The following PIK3CB variants were observed in gnomAD, a reference collection of about 807,000 sequenced individuals.
The protein encoded by PIK3CB is phosphatidylinositol-4,5-bisphosphate 3-kinase catalytic subunit beta.
A neutral mutation model predicts 136.8 loss-of-function variants in PIK3CB; 39 were observed. The observed-to-expected ratio is 0.29, with a 90% CI of 0.22 to 0.37. The LOEUF (loss-of-function observed/expected upper bound fraction) is 0.37. Ranked by LOEUF, PIK3CB falls within the 10% of genes least tolerant of loss-of-function variation. The pLI, the probability that PIK3CB is intolerant of heterozygous loss-of-function variation, is 1.00. For missense variants in PIK3CB, 868 were observed against 1,275.4 expected (o/e 0.68, Z 4.87); for synonymous variants, 428 against 436.6 (o/e 0.98, Z 0.25).
chr3:138,808,311 C>T (rs1349654978), intron 1 of PIK3CB, among the ~76,000 whole-genome samples: 1 of 152,048 alleles, frequency 6.6e-6, no homozygotes, highest in Admixed American at 6.6e-5. Context: ...CAAAAAACAA[C>T]CTCTCATGTA....
intron 2 of PIK3CB, among the ~76,000 whole-genome samples, chr3:138,785,037 G>A (rs958343829): frequency 3.3e-5 from 5 of 152,198 alleles, no homozygotes; most frequent in South Asian, 2.1e-4. Flanking sequence ...CCTCCGCCCC[G>A]CAGCCGCCCC....
intron 2 of PIK3CB, among the ~76,000 whole-genome samples, chr3:138,779,042 C>A (rs1216240677): frequency 6.7e-6 from 1 of 149,380 alleles, no homozygotes; most frequent in Non-Finnish European, 1.5e-5. Context: ...AAAAAAATAG[C>A]AACACACACA....
chr3:138,713,877 C>T (rs543152654), intron 9 of PIK3CB, among the ~76,000 whole-genome samples: 4 of 152,082 alleles, frequency 2.6e-5, no homozygotes, highest in South Asian at 2.1e-4. Context: ...TTTCAAAATC[C>T]GAGAAGCTCT....
intron 1 of PIK3CB, among the ~76,000 whole-genome samples, chr3:138,832,602 C>G (rs1934082779): frequency 6.6e-6 from 1 of 151,588 alleles, no homozygotes; most frequent in Non-Finnish European, 1.5e-5. Context: ...CCGAGGCGGG[C>G]GGATACCTGA....
intron 2 of PIK3CB, among the ~76,000 whole-genome samples, chr3:138,789,987 C>A (rs1198216970): frequency 2.0e-5 from 3 of 152,092 alleles, no homozygotes; most frequent in Non-Finnish European, 4.4e-5. Flanking sequence ...CCAGGCCCAG[C>A]CTATTCAGCC....
At chr3:138,757,941 C>T (rs2045603425) in intron 3 of PIK3CB, among the ~76,000 whole-genome samples, 1 of 152,150 alleles carries the variant, frequency 6.6e-6, no homozygotes, top group South Asian at 2.1e-4. Flanking sequence ...AGCAGGAATT[C>T]AAACAGACAT....
intron 1 of PIK3CB, among the ~76,000 whole-genome samples, chr3:138,815,053 T>C (rs1933243687): frequency 7.1e-6 from 1 of 140,966 alleles, no homozygotes; most frequent in African/African-American, 2.7e-5. Flanking sequence ...GGCAGGAGAA[T>C]GGCATGAACC....
intron 19 of PIK3CB, among the ~76,000 whole-genome samples, chr3:138,676,722 C>G (rs1042142047): frequency 6.6e-6 from 1 of 152,052 alleles, no homozygotes; most frequent in African/African-American, 2.4e-5. Context: ...GAAGCCATTA[C>G]GCTTAGAGAA....
At chr3:138,760,753 A>G (rs962058484) in intron 2 of PIK3CB, among the ~76,000 whole-genome samples, 17 of 152,040 alleles carry the variant, frequency 1.1e-4, no homozygotes, top group African/African-American at 4.1e-4. Flanking sequence ...AAAACATACA[A>G]AAAATTGGCC....
At chr3:138,669,738 T>C (rs182442592) in intron 19 of PIK3CB, among the ~76,000 whole-genome samples, 2 of 152,292 alleles carry the variant, frequency 1.3e-5, no homozygotes, top group East Asian at 3.9e-4. Flanking sequence ...GAGCATTATG[T>C]ATTTTCATTC....
chr3:138,711,223 A>G (rs2044490359), intron 10 of PIK3CB, among the ~76,000 whole-genome samples: 1 of 98,154 alleles, frequency 1.0e-5, no homozygotes, highest in Admixed American at 1.2e-4. Context: ...CAAAAAAAAA[A>G]AGAAAAAAAA....
chr3:138,811,903 C>A (rs1356758044), intron 1 of PIK3CB, among the ~76,000 whole-genome samples: 1 of 151,886 alleles, frequency 6.6e-6, no homozygotes, highest in Non-Finnish European at 1.5e-5. Context: ...AGCCTGGGAA[C>A]TGTGGCAAAA....
At chr3:138,791,153 GT>G (rs148239038) in intron 2 of PIK3CB, among the ~76,000 whole-genome samples, 4 of 145,850 alleles carry the variant, frequency 2.7e-5, no homozygotes, top group African/African-American at 1.0e-4. Context: ...CCTCATGGTT[GT>G]TTTTTTTTTG....
At chr3:138,689,085 T>C (rs1227533170) in intron 15 of PIK3CB, 111 bp from the exon 16 acceptor site, 7 of 664,758 alleles carry the variant, frequency 1.1e-5, no homozygotes, top group African/African-American at 7.2e-5. Context: ...GGCAAGGTCA[T>C]TGTGTGCATT....
chr3:138,777,301 T>A (rs1397679825), intron 2 of PIK3CB, among the ~76,000 whole-genome samples: 2 of 152,210 alleles, frequency 1.3e-5, no homozygotes, highest in African/African-American at 4.8e-5. Context: ...GCAGGGGTAA[T>A]GCTCTACTAA....
chr3:138,799,674 G>A (rs924698083), intron 1 of PIK3CB, among the ~76,000 whole-genome samples: 8 of 151,490 alleles, frequency 5.3e-5, no homozygotes, highest in African/African-American at 1.9e-4. Flanking sequence ...TTCTTTTCTT[G>A]TTTTTTTGTT....
At chr3:138,815,585 C>G (rs1032061246) in intron 1 of PIK3CB, among the ~76,000 whole-genome samples, 1 of 151,914 alleles carries the variant, frequency 6.6e-6, no homozygotes, top group African/African-American at 2.4e-5. Flanking sequence ...TACATGGCAT[C>G]AAATATATTA....
chr3:138,786,015 C>G (rs1405583763), intron 2 of PIK3CB, among the ~76,000 whole-genome samples: 2 of 151,916 alleles, frequency 1.3e-5, no homozygotes, highest in Non-Finnish European at 2.9e-5. Flanking sequence ...TGAACCTTAC[C>G]AACAATGTTA....
chr3:138,812,054 A>G (rs1048462389), intron 1 of PIK3CB, among the ~76,000 whole-genome samples: 2 of 152,058 alleles, frequency 1.3e-5, no homozygotes, highest in Non-Finnish European at 2.9e-5. Flanking sequence ...TCGTACCACT[A>G]TGCTAAAGCC....
Sources: allele counts gnomAD v4.1 joint callset (sites outside exome capture counted in the v4.1 genomes callset), GRCh38; gene constraint gnomAD v4.1.1; transcripts MANE v1.5; gene names NCBI Gene and HGNC (gene_info 2026-07-23, HGNC 2026-07-21).